ABL1: variants seen among roughly 807,000 people sequenced by gnomAD.
ABL1 encodes the protein tyrosine-protein kinase ABL1.
Under a neutral mutation model 94.7 loss-of-function variants are expected in ABL1, and 11 were observed. The observed-to-expected ratio is 0.12, with a 90% CI of 0.07 to 0.19. ABL1 has a LOEUF of 0.19. Among genes scored for constraint, ABL1 ranks in the 10% least tolerant of loss-of-function variants. The probability of loss-of-function intolerance (pLI) is 1.00; values close to 1 mark genes in which losing one functional copy is unlikely to be tolerated. For synonymous variants in ABL1, 656 were observed against 622.4 expected (o/e 1.05, Z -0.80); for missense variants, 1,082 against 1,489.4 (o/e 0.73, Z 4.50).
chr9:130,732,368 G>A (rs1479326411), intron 1 of ABL1, among the ~76,000 whole-genome samples: 1 of 152,052 alleles, frequency 6.6e-6, no homozygotes, highest in South Asian at 2.1e-4. Flanking sequence ...CCAGGGAACC[G>A]GCTGAGGAAA....
In ABL1 at chr9:130,863,068, C is replaced by T. The variant is rs113426111; in HGVS notation, c.822+33C>T. The T allele has an allele frequency of 3.4e-5, 53 of 1,557,790 alleles. 1 individual carries two copies. Among genetic ancestry groups the T allele is most frequent in the East Asian group, 9.1e-5 (4 of 44,000 alleles). ...GGGACTGCCGGGGGTGCCCAGGGTA[C>T]GTGGGGCAAGGCGTCTGCTGGCATT... On this transcript the variant is annotated intron_variant, in intron 4 of 10. Transcript: ENST00000318560. This position sits in a 1 kb window ranked among gnomAD's most constrained non-coding sequence, Gnocchi z 4.3.
intron 1 of ABL1, among the ~76,000 whole-genome samples, chr9:130,761,636 T>C (rs547565920): frequency 1.3e-5 from 2 of 152,236 alleles, no homozygotes; most frequent in Admixed American, 6.5e-5. Context: ...GTGGTGCCAC[T>C]CCAGTGCTAT....
intron 1 of ABL1, among the ~76,000 whole-genome samples, chr9:130,745,286 G>C (rs535268857): frequency 2.9e-4 from 44 of 152,056 alleles, no homozygotes; most frequent in African/African-American, 1.1e-3. Context: ...ATTTCTCCAT[G>C]TTGGTCAAGC....
chr9:130,719,286 T>C (rs992236346), intron 1 of ABL1, among the ~76,000 whole-genome samples: 6 of 152,138 alleles, frequency 3.9e-5, no homozygotes, highest in Non-Finnish European at 7.3e-5. Context: ...CCCAGCACTT[T>C]GGGAGGTTGA....
intron 3 of ABL1, among the ~76,000 whole-genome samples, chr9:130,860,727 T>C (rs1034342321): frequency 6.6e-5 from 10 of 152,212 alleles, no homozygotes; most frequent in Non-Finnish European, 1.5e-5. Flanking sequence ...ATGGCTTTTC[T>C]CACTTCTCTA....
chr9:130,715,429 C>T (rs1483226660), intron 1 of ABL1, among the ~76,000 whole-genome samples: 5 of 152,310 alleles, frequency 3.3e-5, no homozygotes, highest in African/African-American at 1.2e-4. Flanking sequence ...TGGGTGACTG[C>T]AGTCAACAAA....
chr9:130,881,996 G>C (rs1315210901), intron 10 of ABL1, among the ~76,000 whole-genome samples: 1 of 152,114 alleles, frequency 6.6e-6, no homozygotes, highest in Non-Finnish European at 1.5e-5. Context: ...CATTTAAAAG[G>C]CTTGCATGCT....
chr9:130,868,773 G>GC (rs1831202185), intron 4 of ABL1, among the ~76,000 whole-genome samples: 1 of 151,868 alleles, frequency 6.6e-6, no homozygotes, highest in African/African-American at 2.4e-5. Flanking sequence ...GCCTGTCTCG[G>GC]CCCCCCAGAG....
At chr9:130,841,545 C>T (rs1307970139) in intron 1 of ABL1, among the ~76,000 whole-genome samples, 1 of 151,952 alleles carries the variant, frequency 6.6e-6, no homozygotes, top group Non-Finnish European at 1.5e-5. Context: ...GGCGCGGTGG[C>T]TGACGCCTGT....
At chr9:130,714,245 A>G in exon 1 of ABL1, 1 of 1,440,528 alleles carries the variant, frequency 6.9e-7, no homozygotes, top group Non-Finnish European at 9.2e-7. Flanking sequence ...CGTATATGCC[A>G]TTTCCCTCTA....
At chr9:130,760,791 T>C (rs1055355172) in intron 1 of ABL1, among the ~76,000 whole-genome samples, 1 of 150,368 alleles carries the variant, frequency 6.7e-6, no homozygotes. Context: ...GCCTCCCGAG[T>C]AGCTGGGACT....
In ABL1 at chr9:130,835,941, G is replaced by A. The variant is rs567040968; in HGVS notation, c.79+416G>A. On this transcript the variant is annotated intron_variant, in intron 1 of 10. Transcript: ENST00000318560. The surrounding 1 kb of genome is among the most constrained non-coding windows in gnomAD (Gnocchi z 4.6). ...CAACTCGCCAGGCCTTAACATCCCT[G>A]GGATCCCACGTTGTGGAATTTCCAC... 9.2e-5 allele frequency among the ~76,000 whole-genome samples: 14 copies of A among 152,308 alleles called. No individual in the cohort carries two copies. In the South Asian group the frequency reaches 1.0e-3, roughly 11 times the overall value.
chr9:130,873,382 G>T (rs1208393752), intron 6 of ABL1, among the ~76,000 whole-genome samples: 1 of 152,234 alleles, frequency 6.6e-6, no homozygotes, highest in Non-Finnish European at 1.5e-5. Flanking sequence ...CTCTGAAAGA[G>T]AGTACTCATT....
At chr9:130,783,533 A>C (rs574765273) in intron 1 of ABL1, among the ~76,000 whole-genome samples, 160 of 152,354 alleles carry the variant, frequency 1.1e-3, no homozygotes, top group African/African-American at 3.6e-3. Flanking sequence ...GGAATTAGAA[A>C]GTGTCTAGGT....
At chr9:130,809,364 G>C (rs1244487456) in intron 1 of ABL1, among the ~76,000 whole-genome samples, 5 of 148,670 alleles carry the variant, frequency 3.4e-5, no homozygotes, top group Admixed American at 6.8e-5. Flanking sequence ...AAGAAGAGTT[G>C]TATTAGTGAA....
In ABL1 at chr9:130,885,449, C is replaced by T. The variant is rs375336298; in HGVS notation, c.3159C>T (p.His1053=). ...GGAACTCCGAGCAGATGGCCAGCCA[C>T]AGCGCAGTGCTGGAGGCCGGCAAAA... ...ISRNSEQMAS[H]SAVLEAGKNL... The change falls in exon 11 of 11, where the codon CAC becomes CAT. Residue 1053 remains histidine (H), a synonymous_variant. Transcript: ENST00000318560. 6.8e-6 allele frequency: 11 copies of T among 1,613,830 alleles called. No homozygotes were observed. The African/African-American group carries it at 9.3e-5, about 14-fold the overall frequency.
intron 1 of ABL1, among the ~76,000 whole-genome samples, chr9:130,769,481 A>G (rs1328364980): frequency 6.6e-6 from 1 of 151,588 alleles, no homozygotes; most frequent in Admixed American, 6.6e-5. Flanking sequence ...ACAGGTGTGC[A>G]CCACCATGAC....
chr9:130,733,989 G>A (rs914151707), intron 1 of ABL1, among the ~76,000 whole-genome samples: 6 of 152,152 alleles, frequency 3.9e-5, no homozygotes. Context: ...TTGGGTAGTC[G>A]TGTTTTTAGG....
Position 130,859,489 on chromosome 9 carries a change from G to C in ABL1, c.550-3274G>C, listed in dbSNP as rs564028020. Among the ~76,000 whole-genome samples the C allele has an allele frequency of 9.2e-5, 14 of 151,818 alleles. No homozygotes were observed. The South Asian group carries it at 1.9e-3, about 21-fold the overall frequency. On this transcript the variant is annotated intron_variant, in intron 3 of 10. Transcript: ENST00000318560. ...GCTTTGGACCGTTCTTGTGTACTGC[G>C]AGGCTTGCCTTCCTGCTGGTGTGTG...
Sources: gnomAD v4.1 joint callset for allele counts (sites outside exome capture counted in the v4.1 genomes callset) on GRCh38, gnomAD v4.1.1 for gene constraint, Gnocchi (gnomAD v3.1) non-coding constraint, MANE v1.5 for transcripts, NCBI Gene and HGNC (gene_info 2026-07-23, HGNC 2026-07-21) for gene names.